The following PRIM2 variants were observed in gnomAD, a reference collection of about 807,000 sequenced individuals.
PRIM2 encodes DNA primase subunit 2, also known as DNA primase large subunit.
In PRIM2, 39 loss-of-function variants were observed where a neutral mutation model predicts 67.3. That is an observed-to-expected ratio of 0.58 (90% CI 0.45 to 0.76). The LOEUF (loss-of-function observed/expected upper bound fraction) is 0.76, where lower values mean the gene tolerates loss of function less well. Ranked by LOEUF, PRIM2 falls within the 30% of genes least tolerant of loss-of-function variation. The probability of loss-of-function intolerance (pLI) is 0.00; values close to 1 mark genes in which losing one functional copy is unlikely to be tolerated. For missense variants in PRIM2, 398 were observed against 598.7 expected, an observed-to-expected ratio of 0.66 and a Z score of 3.50; for synonymous variants, 143 against 198.7, an observed-to-expected ratio of 0.72 and a Z score of 2.36.
At chr6:57,297,539 A>G in the PRIM2 span, among the ~76,000 whole-genome samples, 5 of 152,352 alleles carry the variant, frequency 3.3e-5, no homozygotes, top group Admixed American at 3.3e-4. Context: ...CATCATGCTA[A>G]CACATGATGA....
chr6:57,522,126 T>C (rs1348353277), intron 8 of PRIM2, among the ~76,000 whole-genome samples: 98 of 152,118 alleles, frequency 6.4e-4, no homozygotes, highest in African/African-American at 2.3e-3. Flanking sequence ...CCTAATAGTA[T>C]AAATGGCAAA....
chr6:57,484,604 T>A (rs1443550771), intron 7 of PRIM2, among the ~76,000 whole-genome samples: 1 of 152,216 alleles, frequency 6.6e-6, no homozygotes, highest in East Asian at 1.9e-4. Flanking sequence ...ACCATTTTGT[T>A]GTTGTTTCAG....
intron 7 of PRIM2, among the ~76,000 whole-genome samples, chr6:57,439,411 T>TG (rs1772125409): frequency 9.3e-6 from 1 of 107,834 alleles, no homozygotes; most frequent in South Asian, 3.0e-4. Context: ...TCTGTTTTTT[T>TG]TTTTTTTTTT....
At chr6:57,409,832 T>G (rs1354953555) in intron 7 of PRIM2, among the ~76,000 whole-genome samples, 1 of 152,220 alleles carries the variant, frequency 6.6e-6, no homozygotes, top group East Asian at 1.9e-4. Context: ...ATCAGTTTCT[T>G]TCTTTTATGG....
chr6:57,524,103 C>A (rs1774689900), intron 8 of PRIM2, among the ~76,000 whole-genome samples: 1 of 152,024 alleles, frequency 6.6e-6, no homozygotes, highest in African/African-American at 2.4e-5. Context: ...TTCCCCAACC[C>A]CTGCATTCTC....
chr6:57,563,743 G>T (rs1300541185), intron 10 of PRIM2, among the ~76,000 whole-genome samples: 9 of 152,174 alleles, frequency 5.9e-5, no homozygotes, highest in African/African-American at 2.2e-4. Flanking sequence ...CTGGGTTCAA[G>T]CAATTCTCCT....
At chr6:57,279,764 G>A in the PRIM2 span, among the ~76,000 whole-genome samples, 1 of 152,198 alleles carries the variant, frequency 6.6e-6, no homozygotes, top group South Asian at 2.1e-4. Context: ...ACAGACAAGT[G>A]GGTGAGACAG....
At chr6:57,288,117 T>C in the PRIM2 span, among the ~76,000 whole-genome samples, 1 of 152,174 alleles carries the variant, frequency 6.6e-6, no homozygotes. Flanking sequence ...GACCAGGAAA[T>C]TCCCTTCCAT....
chr6:57,314,598 C>T (rs1767445073), upstream of PRIM2, among the ~76,000 whole-genome samples: 1 of 152,208 alleles, frequency 6.6e-6, no homozygotes, highest in Non-Finnish European at 1.5e-5. Flanking sequence ...GTGCCAGGCA[C>T]TGGGGTCACA....
intron 10 of PRIM2, among the ~76,000 whole-genome samples, chr6:57,567,121 C>T (rs1400188751): frequency 4.0e-5 from 6 of 151,430 alleles, no homozygotes; most frequent in South Asian, 2.1e-4. Context: ...GTCATCCAAA[C>T]GAAACATTAG....
intron 7 of PRIM2, among the ~76,000 whole-genome samples, chr6:57,475,175 C>T (rs1773446013): frequency 6.6e-6 from 1 of 152,120 alleles, no homozygotes; most frequent in African/African-American, 2.4e-5. Context: ...TAGCCTCCTC[C>T]CTTCCTCCTC....
At chr6:57,336,744 A>C (rs1377258461) in intron 5 of PRIM2, among the ~76,000 whole-genome samples, 1 of 152,216 alleles carries the variant, frequency 6.6e-6, no homozygotes, top group African/African-American at 2.4e-5. Context: ...GGTACCAGCC[A>C]CTGCAAAATC....
In PRIM2 at chr6:57,330,905, G is replaced by C. The variant is rs536772817; in HGVS notation, c.459+4860G>C. 3.9e-5 allele frequency among the ~76,000 whole-genome samples: 6 copies of C among 152,102 alleles called. No homozygotes were observed. The South Asian group carries it at 8.3e-4, about 21-fold the overall frequency. On this transcript the variant is annotated intron_variant, in intron 5 of 13. Transcript: ENST00000615550. ...CTTTATTAATATGGTGTGTTGGGCC[G>C]GGCGCGGTGGCTCACACCTGTAATC...
chr6:57,348,655 G>C (rs1295906095), intron 5 of PRIM2, among the ~76,000 whole-genome samples: 5 of 151,924 alleles, frequency 3.3e-5, no homozygotes, highest in African/African-American at 2.4e-5. Flanking sequence ...AGTCCAACAG[G>C]TGTTTAGTAG....
At chr6:57,487,883 A>T (rs1206038038) in intron 7 of PRIM2, among the ~76,000 whole-genome samples, 2 of 152,294 alleles carry the variant, frequency 1.3e-5, no homozygotes, top group East Asian at 1.9e-4. Flanking sequence ...CACATAGTCC[A>T]TTGTTTTATA....
the PRIM2 span, among the ~76,000 whole-genome samples, chr6:57,232,328 G>A: frequency 2.6e-5 from 4 of 152,154 alleles, no homozygotes; most frequent in African/African-American, 7.2e-5. Flanking sequence ...CGAAGCAGGC[G>A]GATCATGAGG....
At chr6:57,336,921 G>A (rs1459441732) in intron 5 of PRIM2, among the ~76,000 whole-genome samples, 2 of 151,976 alleles carry the variant, frequency 1.3e-5, no homozygotes, top group East Asian at 3.9e-4. Context: ...TGGCAAATTG[G>A]ATAAAGAGTC....
chr6:57,374,597 T>G (rs1230093781), intron 5 of PRIM2, among the ~76,000 whole-genome samples: 2 of 149,600 alleles, frequency 1.3e-5, no homozygotes, highest in African/African-American at 4.9e-5. Flanking sequence ...CGGCCTTATT[T>G]ATTTATTTTT....
intron 5 of PRIM2, among the ~76,000 whole-genome samples, chr6:57,360,392 T>C (rs9396283): frequency 8.5e-5 from 13 of 152,168 alleles, no homozygotes; most frequent in African/African-American, 1.4e-4. Flanking sequence ...TCTTGATATA[T>C]GGAGTTTGGA....
Sources: allele counts gnomAD v4.1 joint callset (sites outside exome capture counted in the v4.1 genomes callset), GRCh38; gene constraint gnomAD v4.1.1; transcripts MANE v1.5; gene names NCBI Gene and HGNC (gene_info 2026-07-23, HGNC 2026-07-21).